AQR: variants seen among roughly 807,000 people sequenced by gnomAD.
The protein encoded by AQR is RNA helicase aquarius.
In AQR, 61 loss-of-function variants were observed where a neutral mutation model predicts 180.5. The observed-to-expected ratio is 0.34, with a 90% CI of 0.28 to 0.42. AQR has a LOEUF of 0.42. Among genes scored for constraint, AQR ranks in the 10% least tolerant of loss-of-function variants. The pLI, the probability that AQR is intolerant of heterozygous loss-of-function variation, is 1.00. For missense variants in AQR, 1,281 were observed against 1,798.3 expected (o/e 0.71, Z 5.20); for synonymous variants, 551 against 588.8 (o/e 0.94, Z 0.93).
At chr15:34,869,567 G>A (rs1892785532) in intron 31 of AQR, 1 of 152,216 alleles carries the variant, frequency 6.6e-6, no homozygotes, top group Admixed American at 6.5e-5. Context: ...CTTGTTATGA[G>A]AGAAAGTAAC....
In AQR at chr15:34,896,929, T is replaced by C. The variant is rs774361031; in HGVS notation, c.2428A>G (p.Ile810Val). The part of the protein sequence containing the change: ...IQFTHTQIEA[I>V]RAGMQPGLTM... ...AGCCCAGGCTGCATTCCAGCACGGA[T>C]GGCTTCTATCTGTGTATGAGTGAAC... The change falls in exon 22 of 35, where the codon ATC becomes GTC. Residue 810 changes from isoleucine (I) to valine (V), a missense_variant. Transcript: ENST00000156471. 6.2e-7 allele frequency: 1 copy of C among 1,613,560 alleles called. No individual in the cohort carries two copies. The highest frequency in any genetic ancestry group is 1.1e-5 in the South Asian group (1 of 91,068).
At chr15:34,952,716 T>C (rs187334621) in intron 4 of AQR, among the ~76,000 whole-genome samples, 169 bp downstream of exon 4, 3 of 152,362 alleles carry the variant, frequency 2.0e-5, no homozygotes, top group East Asian at 1.9e-4. Context: ...TGGGCCATCA[T>C]CTTTGAAAAC....
intron 19 of AQR, among the ~76,000 whole-genome samples, chr15:34,901,673 T>G (rs1398849143): frequency 1.3e-5 from 2 of 152,224 alleles, no homozygotes. Context: ...TAAGATAGTA[T>G]ATGTTAATCA....
intron 23 of AQR, among the ~76,000 whole-genome samples, 186 bp downstream of exon 23, chr15:34,893,477 G>A (rs1011848263): frequency 1.3e-5 from 2 of 152,116 alleles, no homozygotes; most frequent in African/African-American, 4.8e-5. Flanking sequence ...TAGGGAACAG[G>A]TAGGCCAGGC....
chr15:34,869,947 A>C (rs1462121293), intron 31 of AQR: 1 of 151,956 alleles, frequency 6.6e-6, no homozygotes, highest in Non-Finnish European at 1.5e-5. Context: ...GCTGTTCTTC[A>C]TTTTTTCCTA....
At chr15:34,943,102 G>A (rs369690224) in intron 6 of AQR, 592 of 1,611,654 alleles carry the variant, frequency 3.7e-4, no homozygotes, top group Non-Finnish European at 4.8e-4. Context: ...CCTAAAACCC[G>A]CCGGACTTTC....
At chr15:34,861,936 A>AC (rs1482631766) in intron 33 of AQR, among the ~76,000 whole-genome samples, 2 of 151,220 alleles carry the variant, frequency 1.3e-5, no homozygotes, top group Non-Finnish European at 2.9e-5. Flanking sequence ...AATCCAATGG[A>AC]CCCCCCTAGG....
rs2140462886 is a variant in AQR at position 34,874,048 on chromosome 15, A to T, written c.3426-49T>A. 3 of 1,501,558 alleles carry T rather than the reference A, an allele frequency of 2.0e-6. No individual in the cohort carries two copies. In the East Asian group the frequency reaches 7.1e-5, roughly 36 times the overall value. The allele number at this position is 1,501,558 out of a possible 1,614,324, so 93.0% of individuals were successfully genotyped here. On this transcript the variant is annotated intron_variant, in intron 29 of 34. Transcript: ENST00000156471. Reference sequence around the variant, plus strand: ...CAAACAGAAAATATTAGCAGTGTAAAATCTCTTTTAATATACATAAGGAGG... The same window carrying T: ...CAAACAGAAAATATTAGCAGTGTAATATCTCTTTTAATATACATAAGGAGG...
intron 17 of AQR, 142 bp downstream of exon 17, chr15:34,909,993 C>A: frequency 1.1e-6 from 1 of 921,368 alleles, no homozygotes; most frequent in Non-Finnish European, 1.6e-6. Context: ...AAAAAAGTTG[C>A]TATTCTTTAA....
intron 4 of AQR, among the ~76,000 whole-genome samples, chr15:34,949,174 A>T (rs1208754986): frequency 6.6e-6 from 1 of 151,548 alleles, no homozygotes; most frequent in Non-Finnish European, 1.5e-5. Flanking sequence ...TTGTATTTTT[A>T]GTAGAGACGG....
intron 12 of AQR, 35 bp from the exon 13 acceptor site, chr15:34,927,173 T>C (rs765691411): frequency 8.1e-7 from 1 of 1,237,434 alleles, no homozygotes; most frequent in Non-Finnish European, 1.1e-6. Context: ...TAATAATTAA[T>C]GTCTACATAT....
chr15:34,966,011 G>A (rs1213607456), intron 1 of AQR, among the ~76,000 whole-genome samples: 3 of 152,136 alleles, frequency 2.0e-5, no homozygotes, highest in South Asian at 2.1e-4. Flanking sequence ...GGGGTCTAAC[G>A]TGTAATGTCT....
chr15:34,960,969 C>G (rs2050272802), intron 2 of AQR, among the ~76,000 whole-genome samples, 155 bp from the exon 3 acceptor site: 1 of 152,006 alleles, frequency 6.6e-6, no homozygotes, highest in Non-Finnish European at 1.5e-5. Context: ...AAAATAATCC[C>G]ATTATATTCC....
intron 14 of AQR, among the ~76,000 whole-genome samples, chr15:34,919,468 T>A (rs1893650238): frequency 6.6e-6 from 1 of 152,108 alleles, no homozygotes; most frequent in Non-Finnish European, 1.5e-5. Flanking sequence ...CAAAACATAA[T>A]GTTGTAGCAC....
At chr15:34,916,730 T>C (rs1156726067) in intron 15 of AQR, among the ~76,000 whole-genome samples, 1 of 151,770 alleles carries the variant, frequency 6.6e-6, no homozygotes, top group Non-Finnish European at 1.5e-5. Flanking sequence ...AGGATAACCT[T>C]AGCCTGATCA....
rs760284708 is a variant in AQR at position 34,900,614 on chromosome 15, G to A, written c.2243+8C>T. 6.2e-7 allele frequency: 1 copy of A among 1,612,670 alleles called. No individual in the cohort carries two copies. The highest frequency in any genetic ancestry group is 1.1e-5 in the South Asian group (1 of 90,834). ...GCTGGAGAGGAGCGTACCCAGTTCTGACTTTACCTGAAAGGGGGTATTTGT... is the reference window on the plus strand; with the variant it reads ...GCTGGAGAGGAGCGTACCCAGTTCTAACTTTACCTGAAAGGGGGTATTTGT... On this transcript the variant is annotated splice_region_variant and intron_variant, in intron 20 of 34. Transcript: ENST00000156471.
intron 19 of AQR, 123 bp downstream of exon 19, chr15:34,904,213 A>C: frequency 1.7e-6 from 1 of 594,878 alleles, no homozygotes. Flanking sequence ...CTTATAGTAA[A>C]AATAAAAGCA....
At chr15:34,942,785 A>G (rs575581472) in intron 6 of AQR, among the ~76,000 whole-genome samples, 33 of 152,332 alleles carry the variant, frequency 2.2e-4, no homozygotes, top group African/African-American at 7.7e-4. Context: ...CTAACCCTGT[A>G]TTTCCCCAAG....
At chr15:34,941,076 A>G in intron 7 of AQR, 77 bp from the exon 8 acceptor site, 1 of 1,004,878 alleles carries the variant, frequency 1.0e-6, no homozygotes. Flanking sequence ...ACTATTTGCT[A>G]GTTTTCTAAT....
Sources: allele counts gnomAD v4.1 joint callset (sites outside exome capture counted in the v4.1 genomes callset), GRCh38; gene constraint gnomAD v4.1.1; transcripts MANE v1.5; gene names NCBI Gene and HGNC (gene_info 2026-07-23, HGNC 2026-07-21).